SUMF1: variants seen among roughly 807,000 people sequenced by gnomAD.
The protein encoded by SUMF1 is formylglycine-generating enzyme.
SUMF1 carries 48 observed loss-of-function variants against 47.6 expected under a neutral mutation model. The observed-to-expected ratio is 1.01, with a 90% CI of 0.80 to 1.28. The LOEUF is 1.28. Ranked by LOEUF, SUMF1 falls within the 50% of genes most tolerant of loss-of-function variation. The pLI is 0.00. For synonymous variants in SUMF1, 230 were observed against 192.1 expected, an observed-to-expected ratio of 1.20 and a Z score of -1.63; for missense variants, 571 against 485.4, an observed-to-expected ratio of 1.18 and a Z score of -1.66.
intron 8 of SUMF1, among the ~76,000 whole-genome samples, chr3:4,326,115 C>T (rs1239881959): frequency 2.0e-5 from 3 of 152,210 alleles, no homozygotes; most frequent in African/African-American, 4.8e-5. Context: ...AGCCACAGTG[C>T]CCAGCTATCT....
intron 8 of SUMF1, among the ~76,000 whole-genome samples, chr3:4,249,941 G>A (rs1463047829): frequency 6.6e-6 from 1 of 152,084 alleles, no homozygotes; most frequent in Admixed American, 6.6e-5. Flanking sequence ...CCAGCACTTG[G>A]GGGAGGCCGA....
intron 8 of SUMF1, among the ~76,000 whole-genome samples, chr3:4,245,794 T>G (rs1203418306): frequency 6.6e-6 from 1 of 152,214 alleles, no homozygotes. Flanking sequence ...CAGGGACGTT[T>G]AAGTCTGCAG....
At chr3:4,118,227 G>C (rs59404258) in intron 8 of SUMF1, among the ~76,000 whole-genome samples, 2 of 151,650 alleles carry the variant, frequency 1.3e-5, no homozygotes, top group African/African-American at 2.4e-5. Flanking sequence ...TTTACAGAGA[G>C]AAGAGAAGAT....
rs117967577 is a variant in SUMF1 at position 4,408,765 on chromosome 3, G to C, written c.954+2100C>G. Among the ~76,000 whole-genome samples, 65 of 152,294 alleles carry C rather than the reference G, an allele frequency of 4.3e-4. No homozygotes were observed. The East Asian group carries it at 8.9e-3, about 21-fold the overall frequency. ...GCGGGTAGATCACCTGAGGTCAGGT[G>C]TTTGAGACCAGTCTGGCCAAAATGG... On this transcript the variant is annotated intron_variant, in intron 7 of 8. Transcript: ENST00000272902.
chr3:4,427,144 C>T (rs1452328632), intron 3 of SUMF1, among the ~76,000 whole-genome samples: 3 of 152,164 alleles, frequency 2.0e-5, no homozygotes, highest in East Asian at 3.8e-4. Context: ...AAAATCAGCA[C>T]AGGAAAAAGA....
intron 7 of SUMF1, among the ~76,000 whole-genome samples, chr3:4,380,010 C>T (rs1361742081): frequency 6.6e-6 from 1 of 152,150 alleles, no homozygotes; most frequent in Non-Finnish European, 1.5e-5. Flanking sequence ...TTTATGACTG[C>T]AGGCTAAAAC....
chr3:4,267,648 C>G (rs553968455), intron 8 of SUMF1, among the ~76,000 whole-genome samples: 49 of 151,970 alleles, frequency 3.2e-4, no homozygotes, highest in African/African-American at 1.1e-3. Flanking sequence ...CTCACCATAA[C>G]TGGCCATCAG....
chr3:4,068,303 C>T (rs1373017902), intron 9 of SUMF1, among the ~76,000 whole-genome samples: 1 of 152,104 alleles, frequency 6.6e-6, no homozygotes, highest in Non-Finnish European at 1.5e-5. Context: ...TCCTGAGCCA[C>T]CACAATCACA....
intron 8 of SUMF1, among the ~76,000 whole-genome samples, chr3:4,076,409 A>G (rs987393859): frequency 6.6e-6 from 1 of 152,192 alleles, no homozygotes; most frequent in African/African-American, 2.4e-5. Context: ...AAACCTAGGC[A>G]ATACCATTCA....
At chr3:4,053,861 T>C (rs79965794) in intron 9 of SUMF1, among the ~76,000 whole-genome samples, 4,752 of 152,152 alleles carry the variant, frequency 0.031, 258 homozygotes, top group African/African-American at 0.11. Context: ...ATGTGAAATA[T>C]GGATAAACTT....
intron 8 of SUMF1, among the ~76,000 whole-genome samples, chr3:4,137,905 C>A (rs552323737): frequency 3.8e-5 from 5 of 130,690 alleles, no homozygotes; most frequent in African/African-American, 1.3e-4. Flanking sequence ...ATATAGTAAA[C>A]ACTAATAATA....
At chr3:4,099,225 C>T (rs547934507) in intron 8 of SUMF1, among the ~76,000 whole-genome samples, 29 of 152,142 alleles carry the variant, frequency 1.9e-4, no homozygotes, top group African/African-American at 6.3e-4. Flanking sequence ...CTCCCCACTC[C>T]GTACACCAGC....
chr3:4,131,889 A>T (rs1254461917), intron 8 of SUMF1, among the ~76,000 whole-genome samples: 1 of 152,116 alleles, frequency 6.6e-6, no homozygotes, highest in Non-Finnish European at 1.5e-5. Flanking sequence ...CCATGAACAA[A>T]GTGGCCATGG....
chr3:4,261,960 G>T (rs1336884416), intron 8 of SUMF1, among the ~76,000 whole-genome samples: 1 of 152,096 alleles, frequency 6.6e-6, no homozygotes, highest in Admixed American at 6.6e-5. Flanking sequence ...ATTTCACTAA[G>T]AAATAAATAT....
At chr3:4,179,723 C>T (rs1476414348) in intron 8 of SUMF1, among the ~76,000 whole-genome samples, 7 of 152,060 alleles carry the variant, frequency 4.6e-5, no homozygotes, top group East Asian at 1.9e-4. Flanking sequence ...AGCTTCTGCA[C>T]GGCAAGAGAA....
intron 8 of SUMF1, among the ~76,000 whole-genome samples, chr3:4,141,182 T>C (rs917847021): frequency 2.0e-5 from 3 of 152,190 alleles, no homozygotes; most frequent in Admixed American, 6.6e-5. Context: ...CAAGGCCATG[T>C]GTACTCCTTT....
chr3:4,048,481 C>T (rs1009510906), intron 9 of SUMF1, among the ~76,000 whole-genome samples: 3 of 152,152 alleles, frequency 2.0e-5, no homozygotes, highest in African/African-American at 4.8e-5. Flanking sequence ...TTGCAGAGCC[C>T]AAGGCATTTC....
intron 3 of SUMF1, among the ~76,000 whole-genome samples, chr3:4,427,163 T>C (rs1702094916): frequency 6.6e-6 from 1 of 152,262 alleles, no homozygotes; most frequent in Non-Finnish European, 1.5e-5. Flanking sequence ...GAAAGCTCTG[T>C]ATAATTATGC....
rs1320766700 is a variant in SUMF1, at chr3:4,416,595, T to C, written c.840+533A>G. Among the ~76,000 whole-genome samples the C allele has an allele frequency of 3.9e-5, 6 of 152,252 alleles. No homozygotes were observed. In the East Asian group the frequency reaches 7.7e-4, roughly 20 times the overall value. On this transcript the variant is annotated intron_variant, in intron 6 of 8. Coordinates refer to ENST00000272902, the MANE Select transcript of SUMF1 (RefSeq NM_182760.4). ...ACCGACCTGGTTCAAATTCCAGCTG[T>C]GCCGCTTTCCAGCTGTGTAACCTTG...
Sources: gnomAD v4.1 joint callset for allele counts (sites outside exome capture counted in the v4.1 genomes callset) on GRCh38, gnomAD v4.1.1 for gene constraint, MANE v1.5 for transcripts, NCBI Gene and HGNC (gene_info 2026-07-23, HGNC 2026-07-21) for gene names.